The following SKAP1 variants were observed in gnomAD, a reference collection of about 807,000 sequenced individuals.
SKAP1 encodes src kinase-associated phosphoprotein 1.
A neutral mutation model predicts 58.5 loss-of-function variants in SKAP1; 44 were observed. That is an observed-to-expected ratio of 0.75 (90% CI 0.59 to 0.97). The LOEUF is 0.97. Ranked by LOEUF, SKAP1 falls within the 50% of genes least tolerant of loss-of-function variation. The pLI is 0.00. For synonymous variants in SKAP1, 127 were observed against 149.7 expected (o/e 0.85, Z 1.11); for missense variants, 390 against 435.2 (o/e 0.90, Z 0.92).
chr17:48,351,532 T>C (rs1240203486), intron 3 of SKAP1, among the ~76,000 whole-genome samples: 1 of 152,150 alleles, frequency 6.6e-6, no homozygotes, highest in Non-Finnish European at 1.5e-5. Context: ...CTGAATGTCA[T>C]TAAGTCTACA....
intron 4 of SKAP1, among the ~76,000 whole-genome samples, chr17:48,334,734 T>C (rs1024613013): frequency 2.6e-5 from 4 of 151,922 alleles, no homozygotes; most frequent in Admixed American, 2.0e-4. Flanking sequence ...ATTAGATCAT[T>C]CCTATGTAGA....
upstream of SKAP1, chr17:48,430,272 C>CGG (rs1162563415): frequency 4.2e-6 from 2 of 474,042 alleles, no homozygotes; most frequent in African/African-American, 4.1e-5. Flanking sequence ...CGTGGGTCCC[C>CGG]GGGCGCGTCA....
At chr17:48,405,449 CTTTTCTTTCTTTCT>C (rs2067566583) in intron 1 of SKAP1, among the ~76,000 whole-genome samples, 1 of 65,196 alleles carries the variant, frequency 1.5e-5, no homozygotes, top group South Asian at 6.1e-4. Context: ...TTCTTTCTTT[CTTTTCTTTCTTTCT>C]TTCCTTCCTT....
chr17:48,354,563 T>C (rs2066850689), intron 3 of SKAP1, among the ~76,000 whole-genome samples: 1 of 152,178 alleles, frequency 6.6e-6, no homozygotes, highest in Non-Finnish European at 1.5e-5. Context: ...GTTCACAAGA[T>C]TGGTTCTTCC....
rs997243122 is a variant in SKAP1 at position 48,408,353 on chromosome 17, A to AGTTC, written c.47-11572_47-11569dup. On this transcript the variant is annotated intron_variant, in intron 1 of 12. Coordinates refer to ENST00000336915, the MANE Select transcript of SKAP1 (RefSeq NM_003726.4). ...TTGCCGAAATGTTTTTTATTTATTA[A>AGTTC]GTTCAAGTTTAGATAGTTTTATACA... Among the ~76,000 whole-genome samples the AGTTC allele has an allele frequency of 1.4e-4, 22 of 152,334 alleles. No individual in the cohort carries two copies. In the East Asian group the frequency reaches 1.9e-3, roughly 13 times the overall value.
intron 4 of SKAP1, 54 bp from the exon 5 acceptor site, chr17:48,189,554 AT>A (rs1213527172): frequency 7.4e-7 from 1 of 1,343,262 alleles, no homozygotes; most frequent in Non-Finnish European, 1.1e-6. Flanking sequence ...ATTTTCATTT[AT>A]TTAGGCTACT....
intron 3 of SKAP1, among the ~76,000 whole-genome samples, chr17:48,360,430 C>T (rs1311118059): frequency 1.3e-5 from 2 of 151,940 alleles, no homozygotes; most frequent in East Asian, 3.9e-4. Context: ...AATCTAAGGG[C>T]AAAATTAATA....
intron 4 of SKAP1, among the ~76,000 whole-genome samples, chr17:48,250,389 C>A (rs982822297): frequency 7.1e-6 from 1 of 141,398 alleles, no homozygotes; most frequent in Non-Finnish European, 1.5e-5. Flanking sequence ...TCAAGCAATT[C>A]TCCTGTCTCA....
rs2064197573 is a variant in SKAP1 at position 48,170,673 on chromosome 17, T to G, written c.827-14A>C. 1 of 1,610,572 alleles carries G rather than the reference T, an allele frequency of 6.2e-7. No individual in the cohort carries two copies. Among genetic ancestry groups the G allele is most frequent in the Admixed American group, 1.7e-5 (1 of 59,942 alleles). On this transcript the variant is annotated splice_polypyrimidine_tract_variant and intron_variant, in intron 9 of 12. Coordinates refer to ENST00000336915, the MANE Select transcript of SKAP1 (RefSeq NM_003726.4). ...CATGCTCTTCATCTGGGGGGATAAA[T>G]GATCAGTATTAGCAATTAGTGGTTC...
At chr17:48,174,911 C>T (rs1204535318) in intron 9 of SKAP1, among the ~76,000 whole-genome samples, 1 of 152,160 alleles carries the variant, frequency 6.6e-6, no homozygotes, top group African/African-American at 2.4e-5. Context: ...TACTTGATCC[C>T]CAAATATCTC....
chr17:48,438,806 G>T, the SKAP1 span, among the ~76,000 whole-genome samples: 1 of 152,132 alleles, frequency 6.6e-6, no homozygotes, highest in Non-Finnish European at 1.5e-5. Context: ...CTTTAGTCTG[G>T]AGAGCTGCCA....
chr17:48,396,524 C>A (rs1177215971), intron 2 of SKAP1, among the ~76,000 whole-genome samples, 156 bp downstream of exon 2: 1 of 152,204 alleles, frequency 6.6e-6, no homozygotes, highest in Admixed American at 6.5e-5. Flanking sequence ...ACTAACTATG[C>A]TTGCCTGCCT....
intron 4 of SKAP1, among the ~76,000 whole-genome samples, chr17:48,216,050 A>G (rs1275789886): frequency 6.6e-6 from 1 of 152,172 alleles, no homozygotes; most frequent in Non-Finnish European, 1.5e-5. Context: ...AGGATGCCAT[A>G]AGGGTTCAAC....
rs1344020636 is a variant in SKAP1 at position 48,386,333 on chromosome 17, T to G, written c.152+10347A>C. ...TTTTTTTTTTTTTTTTTGGTGACTA[T>G]AAGACCATTCATGCCTTTAAGGAGC... On this transcript the variant is annotated intron_variant, in intron 2 of 12. Coordinates refer to ENST00000336915, the MANE Select transcript of SKAP1 (RefSeq NM_003726.4). 2.7e-5 allele frequency among the ~76,000 whole-genome samples: 4 copies of G among 148,204 alleles called. No individual in the cohort carries two copies. In the East Asian group the frequency reaches 7.9e-4, roughly 29 times the overall value.
rs894514210 is a variant in SKAP1, at chr17:48,230,487, G to C, written c.281-40987C>G. Among the ~76,000 whole-genome samples, 6 of 152,318 alleles carry C rather than the reference G, an allele frequency of 3.9e-5. No homozygotes were observed. The East Asian group carries it at 1.2e-3, about 29-fold the overall frequency. ...CTTGTTTTATGTGCCGGTTGCAGTG[G>C]CTCACACTTGTAATCCTAGCACTTT... On this transcript the variant is annotated intron_variant, in intron 4 of 12. Transcript: ENST00000336915.
chr17:48,155,772 G>A (rs567970748), intron 11 of SKAP1, among the ~76,000 whole-genome samples: 75 of 152,244 alleles, frequency 4.9e-4, no homozygotes, highest in African/African-American at 1.5e-3. Flanking sequence ...CAGGAGAATC[G>A]CTTGAACCCG....
At chr17:48,300,882 A>G (rs555220708) in intron 4 of SKAP1, among the ~76,000 whole-genome samples, 65 of 152,206 alleles carry the variant, frequency 4.3e-4, no homozygotes, top group African/African-American at 1.5e-3. Flanking sequence ...TCAAGTAAAA[A>G]TATCTCCGTA....
At chr17:48,361,487 G>T (rs2066938861) in intron 3 of SKAP1, among the ~76,000 whole-genome samples, 1 of 152,100 alleles carries the variant, frequency 6.6e-6, no homozygotes, top group Non-Finnish European at 1.5e-5. Context: ...GGGATTATAG[G>T]CATGAGCCAC....
At chr17:48,441,393 T>TA in the SKAP1 span, among the ~76,000 whole-genome samples, 1 of 151,974 alleles carries the variant, frequency 6.6e-6, no homozygotes, top group Non-Finnish European at 1.5e-5. Flanking sequence ...CTTGGCTGAG[T>TA]ATTAATTTAC....
Sources: gnomAD v4.1 joint callset for allele counts (sites outside exome capture counted in the v4.1 genomes callset) on GRCh38, gnomAD v4.1.1 for gene constraint, MANE v1.5 for transcripts, NCBI Gene and HGNC (gene_info 2026-07-23, HGNC 2026-07-21) for gene names.